Variants in ABAT observed in about 807,000 individuals in gnomAD.
ABAT encodes 4-aminobutyrate aminotransferase.
ABAT carries 45 observed loss-of-function variants against 64.6 expected under a neutral mutation model. That is an observed-to-expected ratio of 0.70 (90% confidence interval 0.55 to 0.89). The LOEUF (loss-of-function observed/expected upper bound fraction) is 0.89. Ranked by LOEUF, ABAT falls within the 40% of genes least tolerant of loss-of-function variation. ABAT has a pLI of 0.00. For missense variants in ABAT, 633 were observed against 658.4 expected (o/e 0.96, Z 0.42); for synonymous variants, 297 against 250.5 (o/e 1.19, Z -1.75).
chr16:8,695,834 C>A (rs776344037), intron 1 of ABAT, among the ~76,000 whole-genome samples: 1 of 152,286 alleles, frequency 6.6e-6, no homozygotes, highest in Non-Finnish European at 1.5e-5. Flanking sequence ...TACACCAGCT[C>A]AATGCCAGTT....
intron 12 of ABAT, 86 bp from the exon 13 acceptor site, chr16:8,774,804 G>A (rs1415720046): frequency 1.9e-6 from 3 of 1,538,642 alleles, no homozygotes; most frequent in East Asian, 2.2e-5. Flanking sequence ...TGGACCCAGG[G>A]TTTGGCAGTT....
intron 2 of ABAT, among the ~76,000 whole-genome samples, chr16:8,743,408 G>C (rs2059224195): frequency 5.6e-5 from 4 of 71,664 alleles, no homozygotes. Flanking sequence ...GTCCCCTCTT[G>C]TGTAATGGAA....
chr16:8,753,155 A>G (rs1334782351), intron 5 of ABAT, among the ~76,000 whole-genome samples: 2 of 145,552 alleles, frequency 1.4e-5, no homozygotes, highest in African/African-American at 2.6e-5. Context: ...GTGTAGTGGC[A>G]TGATCTCGGC....
At chr16:8,778,496 C>T (rs532573165) in intron 14 of ABAT, among the ~76,000 whole-genome samples, 20 of 152,246 alleles carry the variant, frequency 1.3e-4, no homozygotes, top group Non-Finnish European at 2.6e-4. Context: ...GTCATTGAGC[C>T]GGGCGCTGTG....
chr16:8,760,202 T>C (rs1271582477), intron 6 of ABAT: 11 of 152,226 alleles, frequency 7.2e-5, no homozygotes, highest in Admixed American at 6.6e-4. Flanking sequence ...TCCAAATCGA[T>C]CGCACCAACT....
intron 2 of ABAT, chr16:8,738,296 G>C: frequency 2.4e-6 from 1 of 408,528 alleles, no homozygotes; most frequent in East Asian, 7.1e-5. Context: ...ACTCCAGCCT[G>C]GGTGGCCTTG....
Position 8,750,523 on chromosome 16 carries a change from C to A in ABAT, c.300C>A (p.Ile100=). The part of the protein sequence containing the change: ...GNRMLDLYSQ[I]SSVPIGYSHP... ...GAATGCTGGATCTTTATTCCCAGAT[C>A]TCCTCTGTCCCCATAGGTAAGAGCT... The change falls in exon 5 of 16, where the codon ATC becomes ATA. Residue 100 remains isoleucine (I), a synonymous_variant. Coordinates refer to ENST00000268251, the MANE Select transcript of ABAT (RefSeq NM_020686.6). 1.2e-6 allele frequency: 2 copies of A among 1,613,964 alleles called. No homozygotes were observed. The highest frequency in any genetic ancestry group is 2.2e-5 in the East Asian group (1 of 44,886).
intron 6 of ABAT, among the ~76,000 whole-genome samples, chr16:8,759,111 TAATA>T (rs2059726637): frequency 6.6e-6 from 1 of 151,662 alleles, no homozygotes; most frequent in Non-Finnish European, 1.5e-5. Flanking sequence ...CAAAAAATAA[TAATA>T]ATAATAATAA....
chr16:8,730,880 C>T (rs1232548819), intron 1 of ABAT, among the ~76,000 whole-genome samples: 1 of 152,230 alleles, frequency 6.6e-6, no homozygotes, highest in Admixed American at 6.5e-5. Context: ...GGGTAAACCA[C>T]ATGGCTTCTT....
chr16:8,687,879 T>C (rs1003574040), intron 1 of ABAT, among the ~76,000 whole-genome samples: 1 of 151,754 alleles, frequency 6.6e-6, no homozygotes, highest in African/African-American at 2.4e-5. Flanking sequence ...ATTGGAAAAC[T>C]GGATGATAAG....
Position 8,767,641 on chromosome 16 carries a change from A to C in ABAT, c.604-552A>C, listed in dbSNP as rs370852593. 2.5e-3 allele frequency among the ~76,000 whole-genome samples: 385 copies of C among 152,264 alleles called. 3 individuals carry two copies. Among genetic ancestry groups the C allele is most frequent in the African/African-American group, 8.6e-3 (359 of 41,548 alleles). Reference sequence around the variant, plus strand: ...AGTGCAGCACTGGTGAGAAGCCAGAAGTTCAGGTCTCTATGTGAAATTTCT... The same window carrying C: ...AGTGCAGCACTGGTGAGAAGCCAGACGTTCAGGTCTCTATGTGAAATTTCT... On this transcript the variant is annotated intron_variant, in intron 9 of 15. Coordinates refer to ENST00000268251, the MANE Select transcript of ABAT (RefSeq NM_020686.6).
intron 6 of ABAT, among the ~76,000 whole-genome samples, chr16:8,763,105 A>C (rs989244254): frequency 2.2e-4 from 1 of 4,546 alleles, no homozygotes. Context: ...ACCCTGTAAC[A>C]AAAAAAAAAA....
intron 1 of ABAT, among the ~76,000 whole-genome samples, chr16:8,689,248 A>G (rs2057526596): frequency 2.0e-5 from 3 of 152,126 alleles, no homozygotes; most frequent in Admixed American, 2.0e-4. Context: ...TAGATAGTTC[A>G]TTTGGCCCAG....
intron 1 of ABAT, among the ~76,000 whole-genome samples, chr16:8,695,092 C>T (rs750269348): frequency 6.6e-6 from 1 of 152,224 alleles, no homozygotes; most frequent in Non-Finnish European, 1.5e-5. Context: ...CTTGTCTGAT[C>T]AGTGACTGTC....
At chr16:8,703,717 G>A (rs2057877974) in intron 1 of ABAT, among the ~76,000 whole-genome samples, 1 of 152,148 alleles carries the variant, frequency 6.6e-6, no homozygotes, top group African/African-American at 2.4e-5. Context: ...TCACCAGTTT[G>A]TTATTGGGAA....
intron 1 of ABAT, among the ~76,000 whole-genome samples, chr16:8,694,341 C>T (rs1164876988): frequency 2.0e-5 from 3 of 149,450 alleles, no homozygotes; most frequent in Non-Finnish European, 4.5e-5. Context: ...CCATTTTATT[C>T]AGATTTCCCC....
chr16:8,779,067 C>T (rs2060352012), intron 14 of ABAT, among the ~76,000 whole-genome samples: 1 of 152,182 alleles, frequency 6.6e-6, no homozygotes. Flanking sequence ...GTGGAGCATC[C>T]ACCAAGTGCC....
At chr16:8,710,195 G>A (rs1463703080) in intron 1 of ABAT, among the ~76,000 whole-genome samples, 4 of 152,148 alleles carry the variant, frequency 2.6e-5, no homozygotes, top group Non-Finnish European at 5.9e-5. Flanking sequence ...CAATCAATGA[G>A]ATAATACATG....
chr16:8,749,722 T>G (rs1014753593), intron 4 of ABAT, among the ~76,000 whole-genome samples: 1 of 151,404 alleles, frequency 6.6e-6, no homozygotes. Flanking sequence ...AATGTTTTTG[T>G]TTTTTATTTG....
Sources: gnomAD v4.1 joint callset for allele counts (sites outside exome capture counted in the v4.1 genomes callset) on GRCh38, gnomAD v4.1.1 for gene constraint, MANE v1.5 for transcripts, NCBI Gene and HGNC (gene_info 2026-07-23, HGNC 2026-07-21) for gene names.